Variants in CNST observed in about 807,000 individuals in gnomAD.
The protein encoded by CNST is consortin, connexin sorting protein.
In CNST, 39 loss-of-function variants were observed where a neutral mutation model predicts 72.4. That is an observed-to-expected ratio of 0.54 (90% CI 0.42 to 0.70). The LOEUF is 0.70. Ranked by LOEUF, CNST falls within the 30% of genes least tolerant of loss-of-function variation. The pLI is 0.00. For synonymous variants in CNST, 332 were observed against 320.1 expected, an observed-to-expected ratio of 1.04 and a Z score of -0.40; for missense variants, 871 against 868.5, an observed-to-expected ratio of 1.00 and a Z score of -0.04.
chr1:246,631,595 T>C (rs975820077), intron 3 of CNST, among the ~76,000 whole-genome samples: 4 of 152,216 alleles, frequency 2.6e-5, no homozygotes, highest in Non-Finnish European at 4.4e-5. Flanking sequence ...TTTTTCTCAT[T>C]CTTTAGAGTC....
intron 1 of CNST, among the ~76,000 whole-genome samples, chr1:246,584,130 TG>T (rs1374826808): frequency 6.6e-6 from 1 of 152,168 alleles, no homozygotes; most frequent in African/African-American, 2.4e-5. Flanking sequence ...TCTGTAGAGA[TG>T]GGGTCTCGCT....
chr1:246,652,384 A>G (rs1345656421), intron 9 of CNST, among the ~76,000 whole-genome samples: 1 of 152,202 alleles, frequency 6.6e-6, no homozygotes, highest in Admixed American at 6.5e-5. Context: ...GAGATGAGGT[A>G]GCTGTTTTCT....
At chr1:246,619,738 T>C (rs924427643) in intron 2 of CNST, among the ~76,000 whole-genome samples, 3 of 152,270 alleles carry the variant, frequency 2.0e-5, no homozygotes, top group Non-Finnish European at 4.4e-5. Context: ...AGATGAAGAA[T>C]GGACCAGTCT....
rs574640446 is a variant in CNST, at chr1:246,580,389, TACAG to T, written c.-51-11118_-51-11115del. Among the ~76,000 whole-genome samples, 646 of 152,292 alleles carry T rather than the reference TACAG, an allele frequency of 4.2e-3. 7 individuals carry two copies. Among genetic ancestry groups the T allele is most frequent in the African/African-American group, 0.015 (613 of 41,572 alleles). On this transcript the variant is annotated intron_variant, in intron 1 of 10. Transcript: ENST00000366513. Reference sequence around the variant, plus strand: ...TAAAAATAATCCCTAATCATTTCATTACAGACAGTTGGACATTATTTTGCCATTT... The same window carrying T: ...TAAAAATAATCCCTAATCATTTCATTACAGTTGGACATTATTTTGCCATTT...
chr1:246,617,227 T>C (rs1663767642), intron 2 of CNST, among the ~76,000 whole-genome samples: 1 of 152,178 alleles, frequency 6.6e-6, no homozygotes, highest in Non-Finnish European at 1.5e-5. Context: ...ACATATTGTA[T>C]GATAAAATGT....
At chr1:246,621,701 A>G in intron 3 of CNST, 67 bp downstream of exon 3, 1 of 1,378,072 alleles carries the variant, frequency 7.3e-7, no homozygotes. Context: ...GAATGATCTA[A>G]AATGCTGTCT....
chr1:246,590,646 A>G (rs985474873), intron 1 of CNST, among the ~76,000 whole-genome samples: 3 of 860 alleles, frequency 3.5e-3, no homozygotes, highest in Non-Finnish European at 8.7e-3. Context: ...CCTCTCACTG[A>G]GGTTTTTTTC....
At chr1:246,645,340 T>A (rs1348153952) in intron 8 of CNST, among the ~76,000 whole-genome samples, 1 of 151,982 alleles carries the variant, frequency 6.6e-6, no homozygotes, top group East Asian at 1.9e-4. Flanking sequence ...GGAATAAAAT[T>A]ATCATCATAT....
intron 3 of CNST, among the ~76,000 whole-genome samples, chr1:246,623,457 A>G (rs1361287635): frequency 6.6e-6 from 1 of 152,150 alleles, no homozygotes; most frequent in East Asian, 1.9e-4. Flanking sequence ...AAAATGGGAT[A>G]AAAAGTAAAG....
intron 9 of CNST, among the ~76,000 whole-genome samples, chr1:246,652,101 A>G (rs1666477249): frequency 2.6e-5 from 4 of 152,264 alleles, no homozygotes; most frequent in Non-Finnish European, 1.5e-5. Flanking sequence ...TATAATACCT[A>G]TAATACACTG....
At position 246,668,175 on chromosome 1, in the gene CNST, G is replaced by A. The variant is rs1558608444; in HGVS notation, c.*2270G>A. On this transcript the variant is annotated 3_prime_UTR_variant, in exon 11 of 11. Coordinates refer to ENST00000366513, the MANE Select transcript of CNST (RefSeq NM_152609.3). The stretch of plus-strand genomic sequence containing the variant: ...GCATGAACTGGAGTAATTCCACCTG[G>A]TGGTGAAAGGATTGTTATTTCACAC... 1 of 152,178 alleles carries A rather than the reference G, an allele frequency of 6.6e-6. No homozygotes were observed. The allele number at this position is 152,178 out of a possible 1,614,324, so 9.4% of individuals were successfully genotyped here.
At chr1:246,640,063 T>G (rs965262824) in intron 6 of CNST, among the ~76,000 whole-genome samples, 1 of 152,086 alleles carries the variant, frequency 6.6e-6, no homozygotes, top group African/African-American at 2.4e-5. Context: ...GAGTTATTCA[T>G]CCCCCCAAGC....
chr1:246,638,215 C>T (rs904424953), intron 6 of CNST, among the ~76,000 whole-genome samples: 1 of 152,142 alleles, frequency 6.6e-6, no homozygotes, highest in Non-Finnish European at 1.5e-5. Flanking sequence ...ATGGTCCTTG[C>T]TTTTGGAGGT....
intron 9 of CNST, among the ~76,000 whole-genome samples, chr1:246,657,256 G>A (rs1449533424): frequency 1.3e-5 from 2 of 152,162 alleles, no homozygotes. Context: ...ACCTGAGAGT[G>A]CCTCCTTGGC....
At chr1:246,597,953 T>A (rs1661992249) in intron 2 of CNST, among the ~76,000 whole-genome samples, 1 of 145,598 alleles carries the variant, frequency 6.9e-6, no homozygotes. Context: ...AGTTGTTGTG[T>A]TTATGTGTGT....
intron 9 of CNST, among the ~76,000 whole-genome samples, chr1:246,651,672 T>TA (rs1666454043): frequency 6.6e-6 from 1 of 152,226 alleles, no homozygotes; most frequent in East Asian, 1.9e-4. Flanking sequence ...TGGAAAGCTT[T>TA]TTCAAACCCA....
rs188771042 is a variant in CNST, at chr1:246,658,615, G to A, written c.1837-1584G>A. 1.6e-4 allele frequency among the ~76,000 whole-genome samples: 24 copies of A among 152,148 alleles called. No individual in the cohort carries two copies. In the East Asian group the frequency reaches 2.5e-3, roughly 16 times the overall value. ...TAATATTTATGCATAGCGCATTATC[G>A]AAGATGGCTGGCTGGAACTGCAAGT... is the stretch of plus-strand genomic sequence containing the variant. On this transcript the variant is annotated intron_variant, in intron 9 of 10. Transcript: ENST00000366513.
At chr1:246,637,241 G>C (rs1489314956) in intron 6 of CNST, among the ~76,000 whole-genome samples, 1 of 152,212 alleles carries the variant, frequency 6.6e-6, no homozygotes, top group East Asian at 1.9e-4. Flanking sequence ...GGACTCTCAT[G>C]CTGTTAGTGT....
In CNST at chr1:246,635,260, C is replaced by T. The variant is rs1269880665; in HGVS notation, c.818+673C>T. On this transcript the variant is annotated intron_variant, in intron 6 of 10. Transcript: ENST00000366513. ...TCTTGAGAGTCGGGTTGGTATCCAT[C>T]GTGTCGTTGTAGCAGGAGCATCGTC... is the stretch of plus-strand genomic sequence containing the variant. Among the ~76,000 whole-genome samples the T allele has an allele frequency of 5.3e-5, 8 of 151,700 alleles. No individual in the cohort carries two copies. The South Asian group carries it at 8.4e-4, about 16-fold the overall frequency.
Sources: gnomAD v4.1 joint callset for allele counts (sites outside exome capture counted in the v4.1 genomes callset) on GRCh38, gnomAD v4.1.1 for gene constraint, MANE v1.5 for transcripts, NCBI Gene and HGNC (gene_info 2026-07-23, HGNC 2026-07-21) for gene names.